Variants in RPL14 observed in about 807,000 individuals in gnomAD.
The protein encoded by RPL14 is ribosomal protein L14, also known as large ribosomal subunit protein eL14.
In RPL14, 4 loss-of-function variants were observed where a neutral mutation model predicts 25.3. That is an observed-to-expected ratio of 0.16 (90% CI 0.08 to 0.36). The LOEUF (loss-of-function observed/expected upper bound fraction) is 0.36, where lower values mean the gene tolerates loss of function less well. RPL14 is among the 10% of genes least tolerant of loss of function. The pLI is 1.00. For synonymous variants in RPL14, 75 were observed against 89.8 expected (o/e 0.84, Z 0.93); for missense variants, 212 against 261.9 (o/e 0.81, Z 1.31).
intron 1 of RPL14, 109 bp downstream of exon 1, chr3:40,457,583 G>T (rs750211348): frequency 4.9e-5 from 46 of 929,456 alleles, no homozygotes; most frequent in Non-Finnish European, 7.6e-5. Flanking sequence ...GGCCTGGCGC[G>T]CCTTGGGCCA....
rs1200632099 is a variant in RPL14, at chr3:40,464,250, G to A, written c.*2018G>A. 8.4e-6 allele frequency: 3 copies of A among 355,272 alleles called. No individual in the cohort carries two copies. The highest frequency in any genetic ancestry group is 7.3e-5 in the East Asian group (1 of 13,632). The allele number at this position is 355,272 out of a possible 1,614,324, so 22.0% of individuals were successfully genotyped here. On this transcript the variant is annotated 3_prime_UTR_variant, in exon 6 of 6. Transcript: ENST00000396203. The stretch of plus-strand genomic sequence containing the variant: ...GCTGGGATTACAGGCGTGAGCCACC[G>A]CTTCTGGCCAGGAATACATTTTAAA...
chr3:40,464,122 A>G lies in RPL14; in HGVS notation c.*1890A>G, dbSNP rs1203644420. ...GCAGGGGTTAAATGCGTGTACCACC[A>G]TGCCCCTCTAATATTGTATTAGAGA... On this transcript the variant is annotated 3_prime_UTR_variant, in exon 6 of 6. Coordinates refer to ENST00000396203, the MANE Select transcript of RPL14 (RefSeq NM_001034996.3). 3 of 246,192 alleles carry G rather than the reference A, an allele frequency of 1.2e-5. No homozygotes were observed. In the East Asian group the frequency reaches 2.7e-4, roughly 22 times the overall value. The allele number at this position is 246,192 out of a possible 1,614,324, so 15.3% of individuals were successfully genotyped here. A position where few individuals can be genotyped will look rare whatever the true frequency, so the allele number is the denominator to read the frequency against.
chr3:40,457,948 C>A lies in RPL14; in HGVS notation c.62C>A (p.Ala21Asp). Residue 21 changes from alanine to aspartate, a missense_variant, in exon 2 of 6, where the codon GCC (alanine) becomes GAC (aspartate). Ala to Asp is a moderately radical substitution (Grantham distance 126). Transcript: ENST00000396203. ...RVAYVSFGPH[A>D]GKLVAIVDVI... Reference sequence around the variant, plus strand: ...GCCTATGTCTCCTTTGGACCTCATGCCGGAAAATTGGTCGCGATTGTAGAT... The same window carrying A: ...GCCTATGTCTCCTTTGGACCTCATGACGGAAAATTGGTCGCGATTGTAGAT... 4 of 1,614,176 alleles carry A rather than the reference C, an allele frequency of 2.5e-6. No individual in the cohort carries two copies. Among genetic ancestry groups the A allele is most frequent in the Non-Finnish European group, 3.4e-6 (4 of 1,180,042 alleles).
chr3:40,458,848 T>G (rs1477670673), intron 3 of RPL14, 112 bp downstream of exon 3: 2 of 795,302 alleles, frequency 2.5e-6, no homozygotes, highest in African/African-American at 3.4e-5. Context: ...GAAGAGGGAT[T>G]TGCATCATAG....
intron 3 of RPL14, among the ~76,000 whole-genome samples, chr3:40,460,009 GTGACA>G (rs1696911425): frequency 6.6e-6 from 1 of 152,086 alleles, no homozygotes; most frequent in Non-Finnish European, 1.5e-5. Context: ...TGCTACTACT[GTGACA>G]TACCAATTAG....
At position 40,464,166 on chromosome 3, in the gene RPL14, G is replaced by C; in HGVS notation, c.*1934G>C. On this transcript the variant is annotated 3_prime_UTR_variant, in exon 6 of 6. Coordinates refer to ENST00000396203, the MANE Select transcript of RPL14 (RefSeq NM_001034996.3). Reference sequence around the variant, plus strand: ...TTAGAGATGGGGTTTTGCCATGTCAGCCAGACTGGTCTTGAACTCCTGACC... The same window carrying C: ...TTAGAGATGGGGTTTTGCCATGTCACCCAGACTGGTCTTGAACTCCTGACC... The C allele has an allele frequency of 3.3e-6, 1 of 305,558 alleles. No individual in the cohort carries two copies. The highest frequency in any genetic ancestry group is 3.0e-5 in the South Asian group (1 of 33,376). 18.9% of individuals were successfully genotyped at this position (305,558 alleles called of 1,614,324 possible). A position where few individuals can be genotyped will look rare whatever the true frequency, so the allele number is the denominator to read the frequency against.
In RPL14 at chr3:40,464,411, C is replaced by G; in HGVS notation, c.*2179C>G. On this transcript the variant is annotated 3_prime_UTR_variant, in exon 6 of 6. Transcript: ENST00000396203. ...GGATGATTTCGGATTACCTGTTCTA[C>G]TCTGGGAGGTAGAGAATTGTCTAGA... 2 of 454,326 alleles carry G rather than the reference C, an allele frequency of 4.4e-6. No individual in the cohort carries two copies. The highest frequency in any genetic ancestry group is 1.6e-5 in the South Asian group (1 of 63,582). 28.1% of individuals were successfully genotyped at this position (454,326 alleles called of 1,614,324 possible).
Position 40,457,454 on chromosome 3 carries a change from G to A in RPL14, c.-18G>A, listed in dbSNP as rs1317378317. 2 of 1,575,040 alleles carry A rather than the reference G, an allele frequency of 1.3e-6. No individual in the cohort carries two copies. The highest frequency in any genetic ancestry group is 1.8e-5 in the Admixed American group (1 of 54,586). ...AAGCTGAGGCGCCAAACGGCTCCCA[G>A]AGGGTCCCGGGAAGCGCATGGTGAG... On this transcript the variant is annotated 5_prime_UTR_variant, in exon 1 of 6. Transcript: ENST00000396203.
At chr3:40,458,768 T>C in intron 3 of RPL14, 32 bp downstream of exon 3, 1 of 1,567,298 alleles carries the variant, frequency 6.4e-7, no homozygotes, top group South Asian at 1.1e-5. Flanking sequence ...CTCCCTCCCA[T>C]CCCCAGATTT....
chr3:40,462,269 C>T lies in RPL14; in HGVS notation c.*37C>T, dbSNP rs1696953577. On this transcript the variant is annotated 3_prime_UTR_variant, in exon 6 of 6. Transcript: ENST00000396203. ...AAAAAGTAATAAAGGTTCTTTTTGA[C>T]CTGTTGACAAATGTATTTAAGCCTT... is the stretch of plus-strand genomic sequence containing the variant. 41 of 1,545,832 alleles carry T rather than the reference C, an allele frequency of 2.7e-5. No individual in the cohort carries two copies. The highest frequency in any genetic ancestry group is 3.4e-5 in the Non-Finnish European group (39 of 1,150,512).
Position 40,467,274 on chromosome 3 carries a change from T to G in RPL14, c.*5042T>G, listed in dbSNP as rs1334085971. On this transcript the variant is annotated 3_prime_UTR_variant, in exon 6 of 6. Coordinates refer to ENST00000396203, the MANE Select transcript of RPL14 (RefSeq NM_001034996.3). ...GGATGGATGAATGGACTCAAGAGATTGTGGAAACCAAGAAGTCCCACAAAA... is the reference window on the plus strand; with the variant it reads ...GGATGGATGAATGGACTCAAGAGATGGTGGAAACCAAGAAGTCCCACAAAA... 6.6e-6 allele frequency: 1 copy of G among 152,152 alleles called. No homozygotes were observed. Among genetic ancestry groups the G allele is most frequent in the Admixed American group, 6.6e-5 (1 of 15,264 alleles). 9.4% of individuals were successfully genotyped at this position (152,152 alleles called of 1,614,324 possible). A position where few individuals can be genotyped will look rare whatever the true frequency, so the allele number is the denominator to read the frequency against.
intron 2 of RPL14, 193 bp downstream of exon 2, chr3:40,458,184 T>C: frequency 1.7e-6 from 1 of 604,380 alleles, no homozygotes; most frequent in South Asian, 2.0e-5. Context: ...ATTTCAGTAT[T>C]AGCCACTTAA....
chr3:40,459,302 TTAAAG>T (rs1182318108), intron 3 of RPL14: 1 of 153,962 alleles, frequency 6.5e-6, no homozygotes, highest in South Asian at 2.0e-4. Flanking sequence ...AATTTTTAGC[TTAAAG>T]TAAACAACAA....
rs1697027995 is a variant in RPL14, at chr3:40,466,396, T to A, written c.*4164T>A. 6.6e-6 allele frequency: 1 copy of A among 150,470 alleles called. No homozygotes were observed. Among genetic ancestry groups the A allele is most frequent in the East Asian group, 2.0e-4 (1 of 5,036 alleles). 9.3% of individuals were successfully genotyped at this position (150,470 alleles called of 1,614,324 possible). On this transcript the variant is annotated 3_prime_UTR_variant, in exon 6 of 6. Transcript: ENST00000396203. ...ATGGCATACGAAAAGAATGCTGATT[T>A]CAGGCTGGGCACGGTGGCTCATGCC... is the stretch of plus-strand genomic sequence containing the variant.
At chr3:40,458,761 C>T in intron 3 of RPL14, 25 bp downstream of exon 3, 1 of 1,577,592 alleles carries the variant, frequency 6.3e-7, no homozygotes, top group Non-Finnish European at 8.7e-7. Flanking sequence ...ATCACTCCTC[C>T]CTCCCATCCC....
At chr3:40,461,786 T>G in intron 5 of RPL14, 125 bp downstream of exon 5, 2 of 1,290,948 alleles carry the variant, frequency 1.5e-6, no homozygotes, top group Non-Finnish European at 2.1e-6. Context: ...TTTATCTTCA[T>G]TTGTATTTCA....
intron 5 of RPL14, 77 bp downstream of exon 5, chr3:40,461,738 C>G: frequency 7.1e-7 from 1 of 1,406,716 alleles, no homozygotes; most frequent in Non-Finnish European, 9.7e-7. Context: ...CCATTTCAGG[C>G]TGCCAGCTTC....
At chr3:40,457,539 A>T in intron 1 of RPL14, 65 bp downstream of exon 1, 1 of 1,353,268 alleles carries the variant, frequency 7.4e-7, no homozygotes, top group Non-Finnish European at 1.0e-6. Flanking sequence ...CCCTTCCCGG[A>T]CTCGCCGCTG....
chr3:40,459,858 C>CAAAAAAAAAAAAAA (rs10682822), intron 3 of RPL14, among the ~76,000 whole-genome samples: 9 of 90,956 alleles, frequency 9.9e-5, no homozygotes, highest in African/African-American at 3.8e-4. Flanking sequence ...GACTCCGTTT[C>CAAAAAAAAAAAAAA]AAAAAAAAAA....
Sources: allele counts gnomAD v4.1 joint callset (sites outside exome capture counted in the v4.1 genomes callset), GRCh38; gene constraint gnomAD v4.1.1; transcripts MANE v1.5; gene names NCBI Gene and HGNC (gene_info 2026-07-23, HGNC 2026-07-21).